MMP26: variants seen among roughly 807,000 people sequenced by gnomAD.
MMP26 encodes the protein matrix metalloproteinase-26.
MMP26 carries 33 observed loss-of-function variants against 31.0 expected under a neutral mutation model. The ratio of observed to expected loss-of-function variants is 1.06; its 90% CI spans 0.81 to 1.42. The LOEUF is 1.42. Ranked by LOEUF, MMP26 falls within the 40% of genes most tolerant of loss-of-function variation. The pLI is 0.00. For missense variants in MMP26, 347 were observed against 316.1 expected, an observed-to-expected ratio of 1.10 and a Z score of -0.74; for synonymous variants, 122 against 114.9, an observed-to-expected ratio of 1.06 and a Z score of -0.40.
intron 1 of MMP26, among the ~76,000 whole-genome samples, chr11:4,708,494 G>T (rs529299440): frequency 6.4e-4 from 98 of 152,286 alleles, no homozygotes; most frequent in African/African-American, 2.3e-3. Context: ...CCTTCTTAAA[G>T]TAGCAAGTCT....
intron 2 of MMP26, among the ~76,000 whole-genome samples, chr11:4,910,814 A>G (rs72858174): frequency 0.019 from 2,905 of 149,708 alleles, 32 homozygotes; most frequent in Middle Eastern, 0.028. Flanking sequence ...TTGTAAATGC[A>G]TGAGTGACCA....
chr11:4,867,375 T>C (rs1197392747), intron 2 of MMP26, among the ~76,000 whole-genome samples: 1 of 146,302 alleles, frequency 6.8e-6, no homozygotes, highest in Admixed American at 6.9e-5. Context: ...AAAACCACAA[T>C]GAGATGCTGT....
At position 4,848,834 on chromosome 11, in the gene MMP26, G is replaced by A. The variant is rs143546045; in HGVS notation, c.-145+81493G>A. The A allele has an allele frequency of 1.1e-3, 1,824 of 1,614,140 alleles. 18 individuals carry two copies. In the African/African-American group the frequency reaches 0.015, roughly 14 times the overall value. ...TGGCCAGTGCCCGATCAATGGACAT[G>A]GCGAGCAAGACAGAGGACTCCATGA... On this transcript the variant is annotated intron_variant, in intron 2 of 7. Transcript: ENST00000380390.
chr11:4,838,161 CA>C (rs1284526508), intron 2 of MMP26, among the ~76,000 whole-genome samples: 7 of 149,118 alleles, frequency 4.7e-5, no homozygotes, highest in Admixed American at 3.3e-4. Flanking sequence ...ACTAAAAATA[CA>C]AAAAAATTAG....
chr11:4,795,941 G>A (rs1282708886), intron 2 of MMP26, among the ~76,000 whole-genome samples: 1 of 151,994 alleles, frequency 6.6e-6, no homozygotes, highest in East Asian at 1.9e-4. Context: ...TGGTTTTCAT[G>A]ATTCTGCCTC....
Position 4,989,172 on chromosome 11 carries a change from A to G in MMP26, c.100-476A>G, listed in dbSNP as rs564198574. 6.0e-4 allele frequency among the ~76,000 whole-genome samples: 92 copies of G among 152,350 alleles called. 1 individual carries two copies. The highest frequency in any genetic ancestry group is 1.0e-3 in the Non-Finnish European group (70 of 68,030). On this transcript the variant is annotated intron_variant, in intron 3 of 7. Coordinates refer to ENST00000380390, the MANE Select transcript of MMP26 (RefSeq NM_021801.5). ...AGAAAAATCAGTGGAGACAAGGAAT[A>G]GGTAAACAACGGGCTCTTTAAAAGT...
chr11:4,722,698 G>A (rs566200829), intron 1 of MMP26: 43 of 743,074 alleles, frequency 5.8e-5, no homozygotes, highest in South Asian at 1.1e-4. Flanking sequence ...TCCCGCAGCC[G>A]CAGGAGGGGC....
At chr11:4,728,010 G>T (rs777151406) in intron 1 of MMP26, among the ~76,000 whole-genome samples, 1 of 152,164 alleles carries the variant, frequency 6.6e-6, no homozygotes, top group Non-Finnish European at 1.5e-5. Flanking sequence ...AATTGGTACA[G>T]TTCTCCTGAG....
At chr11:4,715,944 G>A (rs61883463) in intron 1 of MMP26, among the ~76,000 whole-genome samples, 1 of 152,170 alleles carries the variant, frequency 6.6e-6, no homozygotes, top group African/African-American at 2.4e-5. Flanking sequence ...AGACTATCCT[G>A]CTAGGGCTTA....
At chr11:4,754,973 T>C (rs1848488505) in intron 1 of MMP26, among the ~76,000 whole-genome samples, 1 of 152,004 alleles carries the variant, frequency 6.6e-6, no homozygotes, top group African/African-American at 2.4e-5. Flanking sequence ...AGCTCTATGG[T>C]AGCTCTATAG....
Position 4,992,041 on chromosome 11 carries a change from A to G in MMP26, c.673A>G (p.Ile225Val). ...GCAGCACTCTGGGAATCAGAGCTCC[A>G]TAATGTACCCCACTTACTGGTATCA... ...GLQHSGNQSS[I>V]MYPTYWYHDP... is the part of the protein sequence containing the mutation. Residue 225 changes from isoleucine to valine, a missense_variant, in exon 7 of 8, where the codon ATA (isoleucine) becomes GTA (valine). Ile to Val is a conservative substitution (Grantham distance 29). Coordinates refer to ENST00000380390, the MANE Select transcript of MMP26 (RefSeq NM_021801.5). 6.2e-7 allele frequency: 1 copy of G among 1,613,988 alleles called. No individual in the cohort carries two copies. The highest frequency in any genetic ancestry group is 8.5e-7 in the Non-Finnish European group (1 of 1,179,982).
intron 2 of MMP26, among the ~76,000 whole-genome samples, chr11:4,801,543 T>C (rs1291847041): frequency 3.3e-5 from 5 of 150,004 alleles, no homozygotes; most frequent in Non-Finnish European, 7.4e-5. Flanking sequence ...TTTATTTATT[T>C]ATTTATTTAT....
At chr11:4,921,226 C>T (rs1851178786) in intron 2 of MMP26, among the ~76,000 whole-genome samples, 1 of 152,186 alleles carries the variant, frequency 6.6e-6, no homozygotes, top group African/African-American at 2.4e-5. Flanking sequence ...TTTCCCTAGG[C>T]TCACAATTCA....
At chr11:4,905,533 G>A (rs1850872257) in intron 2 of MMP26, among the ~76,000 whole-genome samples, 1 of 152,136 alleles carries the variant, frequency 6.6e-6, no homozygotes, top group South Asian at 2.1e-4. Flanking sequence ...ACTGAAGGTT[G>A]ATGACTTTTT....
chr11:4,958,304 G>A (rs965041185), intron 2 of MMP26, among the ~76,000 whole-genome samples: 7 of 152,146 alleles, frequency 4.6e-5, no homozygotes, highest in African/African-American at 1.7e-4. Context: ...TTGCTAGCGC[G>A]AACAATAAAG....
intron 2 of MMP26, among the ~76,000 whole-genome samples, chr11:4,935,303 G>C (rs1334114966): frequency 2.0e-5 from 3 of 151,518 alleles, no homozygotes; most frequent in African/African-American, 7.3e-5. Flanking sequence ...TCCCTTGTAA[G>C]TTGGATTCCT....
At chr11:4,753,659 T>C (rs1422662883) in intron 1 of MMP26, among the ~76,000 whole-genome samples, 1 of 152,120 alleles carries the variant, frequency 6.6e-6, no homozygotes, top group Non-Finnish European at 1.5e-5. Flanking sequence ...TTTGGAATCT[T>C]AGAGTTATTA....
rs934448144 is a variant in MMP26 at position 4,791,353 on chromosome 11, AT to A, written c.-145+24020del. On this transcript the variant is annotated intron_variant, in intron 2 of 7. Coordinates refer to ENST00000380390, the MANE Select transcript of MMP26 (RefSeq NM_021801.5). ...GACATCTTATCCAAGTCGGAGACCAATTTTTTTTCCTAGTAGAGGACTCTAT... is the reference window on the plus strand; with the variant it reads ...GACATCTTATCCAAGTCGGAGACCAATTTTTTTCCTAGTAGAGGACTCTAT... Among the ~76,000 whole-genome samples, 5 of 152,112 alleles carry A rather than the reference AT, an allele frequency of 3.3e-5. No homozygotes were observed. The South Asian group carries it at 1.0e-3, about 32-fold the overall frequency.
At chr11:4,723,582 A>G in intron 1 of MMP26, 1 of 1,063,896 alleles carries the variant, frequency 9.4e-7, no homozygotes, top group Non-Finnish European at 1.5e-6. Context: ...TGTTAGCTTC[A>G]TCCACATCCT....
Sources: gnomAD v4.1 joint callset for allele counts (sites outside exome capture counted in the v4.1 genomes callset) on GRCh38, gnomAD v4.1.1 for gene constraint, MANE v1.5 for transcripts, NCBI Gene and HGNC (gene_info 2026-07-23, HGNC 2026-07-21) for gene names.